SUMF1: variants seen among roughly 807,000 people sequenced by gnomAD.
SUMF1 encodes the protein formylglycine-generating enzyme.
A neutral mutation model predicts 47.6 loss-of-function variants in SUMF1; 48 were observed. That is an observed-to-expected ratio of 1.01 (90% CI 0.80 to 1.28). The LOEUF (loss-of-function observed/expected upper bound fraction) is 1.28. SUMF1 is among the 50% of genes most tolerant of loss of function. The pLI is 0.00. For synonymous variants in SUMF1, 230 were observed against 192.1 expected (o/e 1.20, Z -1.63); for missense variants, 571 against 485.4 (o/e 1.18, Z -1.66).
chr3:4,458,807 G>A (rs1432306729), intron 1 of SUMF1, among the ~76,000 whole-genome samples: 1 of 152,180 alleles, frequency 6.6e-6, no homozygotes, highest in Non-Finnish European at 1.5e-5. Context: ...AGCGAGCCGA[G>A]ATGGAGCCAC....
At chr3:4,401,342 G>T (rs901473142) in intron 7 of SUMF1, among the ~76,000 whole-genome samples, 3 of 152,042 alleles carry the variant, frequency 2.0e-5, no homozygotes, top group African/African-American at 7.2e-5. Context: ...TAATGGGATC[G>T]CTGGGTCAAA....
In SUMF1 at chr3:4,110,671, G is replaced by T. The variant is rs559422251; in HGVS notation, c.1015-41926C>A. Among the ~76,000 whole-genome samples the T allele has an allele frequency of 1.1e-4, 16 of 151,942 alleles. No individual in the cohort carries two copies. In the East Asian group the frequency reaches 1.4e-3, roughly 13 times the overall value. ...TGGAATACTATGCAGCCATAAAAAA[G>T]GATGAGTTCATGTCCTTTGTAGGGA... is the stretch of plus-strand genomic sequence containing the variant. On this transcript the variant is annotated intron_variant and NMD_transcript_variant, in intron 8 of 12. Coordinates refer to the SUMF1 transcript ENST00000448413.
intron 7 of SUMF1, among the ~76,000 whole-genome samples, chr3:4,377,363 T>A (rs554881036): frequency 6.6e-6 from 1 of 152,040 alleles, no homozygotes; most frequent in South Asian, 2.1e-4. Context: ...ATACGTACTA[T>A]GAACCAGGCA....
intron 7 of SUMF1, among the ~76,000 whole-genome samples, chr3:4,401,750 A>T (rs547121978): frequency 1.3e-5 from 2 of 152,222 alleles, no homozygotes; most frequent in African/African-American, 4.8e-5. Flanking sequence ...ACAAATAACC[A>T]CACTAGCAAA....
At chr3:4,246,761 G>A (rs1482392910) in intron 8 of SUMF1, among the ~76,000 whole-genome samples, 5 of 152,130 alleles carry the variant, frequency 3.3e-5, no homozygotes, top group African/African-American at 1.2e-4. Flanking sequence ...AAGAGAAGTG[G>A]TTGAGTTAGC....
intron 8 of SUMF1, among the ~76,000 whole-genome samples, chr3:4,326,178 A>G (rs1361020034): frequency 1.3e-5 from 2 of 152,214 alleles, no homozygotes; most frequent in African/African-American, 4.8e-5. Flanking sequence ...AAGACAAGTC[A>G]CAGAAAGACC....
At chr3:4,451,493 C>A (rs1702967204) in intron 2 of SUMF1, among the ~76,000 whole-genome samples, 4 of 152,076 alleles carry the variant, frequency 2.6e-5, no homozygotes, top group Admixed American at 2.6e-4. Flanking sequence ...TACTTTTGTA[C>A]CAACTTATAA....
intron 8 of SUMF1, among the ~76,000 whole-genome samples, chr3:4,256,834 T>C (rs1696965470): frequency 6.9e-6 from 1 of 144,888 alleles, no homozygotes; most frequent in Non-Finnish European, 1.5e-5. Flanking sequence ...CCAATATCCT[T>C]GATGAACATT....
intron 9 of SUMF1, among the ~76,000 whole-genome samples, chr3:4,058,625 G>A (rs1394159604): frequency 6.6e-6 from 1 of 152,108 alleles, no homozygotes; most frequent in Non-Finnish European, 1.5e-5. Context: ...TAATCATATA[G>A]GAGATGAGTT....
At chr3:4,049,420 A>T (rs989637292) in intron 9 of SUMF1, among the ~76,000 whole-genome samples, 9 of 152,160 alleles carry the variant, frequency 5.9e-5, no homozygotes, top group Non-Finnish European at 2.9e-5. Context: ...GCTGGATGGC[A>T]CTAATGACCA....
At chr3:4,399,084 A>G (rs1277525979) in intron 7 of SUMF1, among the ~76,000 whole-genome samples, 1 of 152,164 alleles carries the variant, frequency 6.6e-6, no homozygotes, top group Non-Finnish European at 1.5e-5. Flanking sequence ...TTTTGAGGAT[A>G]TGAGAACGAG....
intron 8 of SUMF1, among the ~76,000 whole-genome samples, chr3:4,225,350 C>T (rs1696151186): frequency 6.6e-6 from 1 of 152,110 alleles, no homozygotes; most frequent in African/African-American, 2.4e-5. Flanking sequence ...GAGATATCAC[C>T]AGCCCCAGGT....
chr3:4,259,152 T>C (rs1475090918), intron 8 of SUMF1, among the ~76,000 whole-genome samples: 1 of 149,768 alleles, frequency 6.7e-6, no homozygotes, highest in Non-Finnish European at 1.5e-5. Flanking sequence ...TTGGGAGATA[T>C]ACCTAATGCT....
chr3:4,272,843 G>T (rs147901891), intron 8 of SUMF1, among the ~76,000 whole-genome samples: 31 of 152,192 alleles, frequency 2.0e-4, no homozygotes, highest in African/African-American at 6.7e-4. Flanking sequence ...GGAGCCCAAA[G>T]TAGGAGGATC....
intron 8 of SUMF1, among the ~76,000 whole-genome samples, chr3:4,163,422 G>A (rs1425494617): frequency 1.4e-5 from 1 of 71,676 alleles, no homozygotes; most frequent in African/African-American, 4.7e-5. Context: ...GAGGGAGGGA[G>A]GGAGGGAGGG....
At chr3:4,117,986 T>A (rs571429348) in intron 8 of SUMF1, among the ~76,000 whole-genome samples, 1 of 151,790 alleles carries the variant, frequency 6.6e-6, no homozygotes, top group African/African-American at 2.4e-5. Context: ...AAACAAGGCA[T>A]GAATAGGTGT....
At chr3:4,036,167 C>T (rs1694792225) in intron 9 of SUMF1, among the ~76,000 whole-genome samples, 1 of 152,062 alleles carries the variant, frequency 6.6e-6, no homozygotes, top group South Asian at 2.1e-4. Flanking sequence ...TATCCCAGTG[C>T]CTATCTTAGC....
chr3:4,381,811 A>C (rs1700512601), intron 7 of SUMF1, among the ~76,000 whole-genome samples: 1 of 152,196 alleles, frequency 6.6e-6, no homozygotes, highest in Admixed American at 6.5e-5. Context: ...TTGGGAGGCC[A>C]GTATGGGAAG....
intron 8 of SUMF1, among the ~76,000 whole-genome samples, chr3:4,294,793 T>C (rs1480102533): frequency 3.3e-5 from 5 of 152,010 alleles, no homozygotes; most frequent in Non-Finnish European, 7.4e-5. Context: ...GAAACAGCAA[T>C]GTTTATCGCA....
Sources: allele counts gnomAD v4.1 joint callset (sites outside exome capture counted in the v4.1 genomes callset), GRCh38; gene constraint gnomAD v4.1.1; transcripts MANE v1.5; gene names NCBI Gene and HGNC (gene_info 2026-07-23, HGNC 2026-07-21).